ETV5: variants seen among roughly 807,000 people sequenced by gnomAD.
ETV5 encodes the protein ETS translocation variant 5.
In ETV5, 10 loss-of-function variants were observed where a neutral mutation model predicts 70.0. The observed-to-expected ratio is 0.14, with a 90% CI of 0.09 to 0.24. The LOEUF (loss-of-function observed/expected upper bound fraction) is 0.24, where lower values mean the gene tolerates loss of function less well. Ranked by LOEUF, ETV5 falls within the 10% of genes least tolerant of loss-of-function variation. The pLI is 1.00. For synonymous variants in ETV5, 216 were observed against 242.2 expected (o/e 0.89, Z 1.01); for missense variants, 453 against 651.2 (o/e 0.70, Z 3.31).
intron 5 of ETV5, among the ~76,000 whole-genome samples, chr3:186,094,928 T>C (rs1714269031): frequency 6.6e-6 from 1 of 152,154 alleles, no homozygotes; most frequent in Non-Finnish European, 1.5e-5. Flanking sequence ...TACCATAGGC[T>C]TCTTTTAGAC....
intron 5 of ETV5, among the ~76,000 whole-genome samples, chr3:186,093,250 TG>T (rs1218174713): frequency 6.6e-6 from 1 of 152,186 alleles, no homozygotes; most frequent in Admixed American, 6.5e-5. Context: ...TTAATTTCTT[TG>T]TGGGAAGGGG....
In ETV5 at chr3:186,052,685, C is replaced by T. The variant is rs183053601; in HGVS notation, c.1210-554G>A. ...CCTGCTGCCATCCAATCCCATGCTC[C>T]CAGCAGACTTGCAGAATGGACATGA... On this transcript the variant is annotated intron_variant, in intron 11 of 12. Coordinates refer to ENST00000306376, the MANE Select transcript of ETV5 (RefSeq NM_004454.3). The surrounding 1 kb of genome is among the most constrained non-coding windows in gnomAD (Gnocchi z 4.5). Among the ~76,000 whole-genome samples, 7 of 152,246 alleles carry T rather than the reference C, an allele frequency of 4.6e-5. No individual in the cohort carries two copies. The highest frequency in any genetic ancestry group is 2.9e-5 in the Non-Finnish European group (2 of 68,024).
intron 7 of ETV5, among the ~76,000 whole-genome samples, chr3:186,073,225 A>C (rs1713687993): frequency 6.6e-6 from 1 of 152,222 alleles, no homozygotes; most frequent in Non-Finnish European, 1.5e-5. Context: ...AACATTAAAC[A>C]ATGAAGTTTC....
intron 5 of ETV5, among the ~76,000 whole-genome samples, chr3:186,091,120 G>A (rs1419223355): frequency 2.0e-5 from 3 of 152,204 alleles, no homozygotes; most frequent in African/African-American, 7.2e-5. Flanking sequence ...AGATTTCAGG[G>A]CAGGCTCATT....
Position 186,057,231 on chromosome 3 carries a change from C to T in ETV5, c.1053G>A (p.Gln351=). Residue 351 remains glutamine, a synonymous_variant, in exon 11 of 13, where the codon CAG becomes CAA. Coordinates refer to ENST00000306376, the MANE Select transcript of ETV5 (RefSeq NM_004454.3). This position sits in a 1 kb window ranked among gnomAD's most constrained non-coding sequence, Gnocchi z 4.9. ...VPERLEGKVK[Q]EPTMYREGPP... Reference sequence around the variant, plus strand: ...GCCCCTCTCGATACATGGTAGGCTCCTGTTTGACTTTGCCTGTTTGGGACA... The same window carrying T: ...GCCCCTCTCGATACATGGTAGGCTCTTGTTTGACTTTGCCTGTTTGGGACA... 1 of 1,614,172 alleles carries T rather than the reference C, an allele frequency of 6.2e-7. No individual in the cohort carries two copies. The highest frequency in any genetic ancestry group is 8.5e-7 in the Non-Finnish European group (1 of 1,180,004).
At chr3:186,108,578 C>T in intron 1 of ETV5, 1 of 1,252,020 alleles carries the variant, frequency 8.0e-7, no homozygotes, top group Admixed American at 2.5e-5. Context: ...TCTCGCGAGC[C>T]TCCAAGTCCC....
chr3:186,060,791 T>C (rs1460018329), intron 9 of ETV5, among the ~76,000 whole-genome samples: 1 of 152,206 alleles, frequency 6.6e-6, no homozygotes, highest in Non-Finnish European at 1.5e-5. Context: ...CTGTGTGTAG[T>C]AAGCAACCCA....
chr3:186,084,350 G>A (rs1714004980), intron 5 of ETV5: 2 of 366,748 alleles, frequency 5.5e-6, no homozygotes, highest in Non-Finnish European at 1.1e-5. Flanking sequence ...TAGAAACTTT[G>A]AGTTTAAACT....
intron 7 of ETV5, among the ~76,000 whole-genome samples, chr3:186,068,531 AAC>A (rs1713509432): frequency 6.6e-6 from 1 of 152,200 alleles, no homozygotes; most frequent in Non-Finnish European, 1.5e-5. Flanking sequence ...GAGTTTCCTT[AAC>A]ACTCTTCAGC....
At chr3:186,097,260 G>A (rs1333182448) in intron 5 of ETV5, among the ~76,000 whole-genome samples, 1 of 152,160 alleles carries the variant, frequency 6.6e-6, no homozygotes, top group Non-Finnish European at 1.5e-5. Context: ...GAGTACGGTC[G>A]TTTAAAAAAT....
chr3:186,085,964 C>T (rs1313397442), intron 5 of ETV5, among the ~76,000 whole-genome samples: 1 of 152,148 alleles, frequency 6.6e-6, no homozygotes, highest in African/African-American at 2.4e-5. Flanking sequence ...CAGTCACTAC[C>T]ACCCAGACTC....
chr3:186,108,121 C>G (rs1714639427), intron 1 of ETV5, among the ~76,000 whole-genome samples: 2 of 143,514 alleles, frequency 1.4e-5, no homozygotes, highest in Admixed American at 1.4e-4. Flanking sequence ...CGCTTCCAAT[C>G]CCCCCACCCC....
intron 5 of ETV5, chr3:186,084,282 T>TAAAAAAAAA: frequency 4.6e-6 from 1 of 216,742 alleles, no homozygotes. Context: ...AAAGAAATGC[T>TAAAAAAAAA]AAAAAAAAAA....
At chr3:186,064,695 C>T (rs995122156) in intron 8 of ETV5, 44 of 526,946 alleles carry the variant, frequency 8.3e-5, no homozygotes, top group East Asian at 8.1e-4. Flanking sequence ...TCAAGAGTCA[C>T]GGGAGGAAAA....
chr3:186,100,810 TCTCTA>T (rs1452151666), intron 5 of ETV5, among the ~76,000 whole-genome samples: 3 of 152,194 alleles, frequency 2.0e-5, no homozygotes, highest in Non-Finnish European at 4.4e-5. Context: ...TTTATCATGC[TCTCTA>T]CTCAGCATAA....
At chr3:186,108,003 G>GA (rs555425032) in intron 1 of ETV5, among the ~76,000 whole-genome samples, 340 of 131,718 alleles carry the variant, frequency 2.6e-3, no homozygotes, top group Middle Eastern at 0.011. Context: ...AAAAAGGGAA[G>GA]AAAAAAAAAA....
intron 9 of ETV5, among the ~76,000 whole-genome samples, chr3:186,060,982 C>T (rs2150143425): frequency 6.6e-6 from 1 of 152,342 alleles, no homozygotes; most frequent in East Asian, 1.9e-4. Context: ...CCCATCACAG[C>T]CAGTGTCCGG....
Position 186,052,650 on chromosome 3 carries a change from A to T in ETV5, c.1210-519T>A, listed in dbSNP as rs1017306358. On this transcript the variant is annotated intron_variant, in intron 11 of 12. Transcript: ENST00000306376. This position sits in a 1 kb window ranked among gnomAD's most constrained non-coding sequence, Gnocchi z 4.5. ...AGCTCATGGACTAAGGGGGAATCAG[A>T]TCATTTCAGCCTGCTGCCATCCAAT... Among the ~76,000 whole-genome samples, 1 of 152,214 alleles carries T rather than the reference A, an allele frequency of 6.6e-6. No individual in the cohort carries two copies. The highest frequency in any genetic ancestry group is 6.5e-5 in the Admixed American group (1 of 15,280).
chr3:186,078,299 G>T, intron 7 of ETV5: 1 of 667,630 alleles, frequency 1.5e-6, no homozygotes, highest in Non-Finnish European at 1.9e-6. Flanking sequence ...ATAGAAGTTT[G>T]CTAAGAGTTT....
Sources: gnomAD v4.1 joint callset for allele counts (sites outside exome capture counted in the v4.1 genomes callset) on GRCh38, gnomAD v4.1.1 for gene constraint, Gnocchi (gnomAD v3.1) non-coding constraint, MANE v1.5 for transcripts, NCBI Gene and HGNC (gene_info 2026-07-23, HGNC 2026-07-21) for gene names.